PRKD1: variants seen among roughly 807,000 people sequenced by gnomAD.
PRKD1 encodes the protein protein kinase D1, also known as serine/threonine-protein kinase D1.
PRKD1 carries 63 observed loss-of-function variants against 95.9 expected under a neutral mutation model. The observed-to-expected ratio is 0.66, with a 90% CI of 0.54 to 0.81. PRKD1 has a LOEUF of 0.81. Among genes scored for constraint, PRKD1 ranks in the 30% least tolerant of loss-of-function variants. The probability of loss-of-function intolerance (pLI) is 0.00; values close to 1 mark genes in which losing one functional copy is unlikely to be tolerated. For missense variants in PRKD1, 1,048 were observed against 1,165.3 expected (o/e 0.90, Z 1.47); for synonymous variants, 425 against 423.1 (o/e 1.00, Z -0.05).
At chr14:29,661,578 T>C (rs1882193900) in intron 4 of PRKD1, among the ~76,000 whole-genome samples, 1 of 152,114 alleles carries the variant, frequency 6.6e-6, no homozygotes, top group Non-Finnish European at 1.5e-5. Flanking sequence ...CTCCTCAAGG[T>C]GGGCCAATGT....
chr14:29,700,893 A>G (rs1884792258), intron 2 of PRKD1, among the ~76,000 whole-genome samples: 2 of 152,056 alleles, frequency 1.3e-5, no homozygotes, highest in Admixed American at 6.6e-5. Flanking sequence ...GTCAGCCTCC[A>G]CAATCACATG....
chr14:29,628,071 AC>A (rs1161456833), intron 11 of PRKD1, among the ~76,000 whole-genome samples: 1 of 152,196 alleles, frequency 6.6e-6, no homozygotes, highest in Non-Finnish European at 1.5e-5. Flanking sequence ...CTCTGGCTAA[AC>A]AAAGGCAATA....
At chr14:29,600,882 T>C (rs918353364) in intron 13 of PRKD1, among the ~76,000 whole-genome samples, 13 of 152,064 alleles carry the variant, frequency 8.5e-5, no homozygotes, top group Non-Finnish European at 1.6e-4. Flanking sequence ...TCATTTGACC[T>C]TTACCTTTTT....
intron 16 of PRKD1, among the ~76,000 whole-genome samples, chr14:29,583,054 T>A (rs1309648801): frequency 6.6e-6 from 1 of 152,140 alleles, no homozygotes; most frequent in Non-Finnish European, 1.5e-5. Flanking sequence ...TGTAGAGGAA[T>A]GCCGAAACTC....
chr14:29,743,915 C>A (rs773717722), intron 1 of PRKD1, among the ~76,000 whole-genome samples: 7 of 152,192 alleles, frequency 4.6e-5, no homozygotes, highest in Non-Finnish European at 8.8e-5. Flanking sequence ...GTCTTTCCTC[C>A]CACTTGACTG....
At chr14:29,713,965 G>A (rs1885466164) in intron 2 of PRKD1, among the ~76,000 whole-genome samples, 2 of 152,108 alleles carry the variant, frequency 1.3e-5, no homozygotes, top group Admixed American at 1.3e-4. Flanking sequence ...AATCAGTAGG[G>A]TATTCTATGT....
intron 1 of PRKD1, among the ~76,000 whole-genome samples, chr14:29,897,437 A>G (rs550629795): frequency 6.6e-6 from 1 of 152,284 alleles, no homozygotes; most frequent in East Asian, 1.9e-4. Context: ...ACAATCCTAG[A>G]CACTGCACTG....
chr14:29,889,542 TG>T (rs1343042824), intron 1 of PRKD1, among the ~76,000 whole-genome samples: 1 of 152,142 alleles, frequency 6.6e-6, no homozygotes, highest in East Asian at 1.9e-4. Flanking sequence ...ATATACACCA[TG>T]GAATACTAAG....
intron 2 of PRKD1, among the ~76,000 whole-genome samples, chr14:29,704,576 C>A (rs1016460637): frequency 7.9e-5 from 12 of 152,144 alleles, no homozygotes; most frequent in African/African-American, 2.9e-4. Context: ...GCCCTTACCA[C>A]TGCACAATAA....
chr14:29,822,133 C>T (rs1264642019), intron 1 of PRKD1, among the ~76,000 whole-genome samples: 7 of 152,106 alleles, frequency 4.6e-5, no homozygotes, highest in Non-Finnish European at 1.0e-4. Flanking sequence ...TTTTTGGCCT[C>T]CCAGGTCACT....
chr14:29,695,961 A>G (rs1343506914), intron 2 of PRKD1, among the ~76,000 whole-genome samples: 1 of 152,198 alleles, frequency 6.6e-6, no homozygotes, highest in Non-Finnish European at 1.5e-5. Flanking sequence ...AGAGGTTGAG[A>G]GCATTTAGGC....
At chr14:29,663,148 C>CATATAT (rs61506580) in intron 4 of PRKD1, among the ~76,000 whole-genome samples, 10,667 of 131,476 alleles carry the variant, frequency 0.081, 479 homozygotes, top group Middle Eastern at 0.12. Flanking sequence ...AATATTCTTC[C>CATATAT]ATATATATAT....
intron 1 of PRKD1, among the ~76,000 whole-genome samples, chr14:29,853,791 A>G (rs2139343755): frequency 6.6e-6 from 1 of 152,306 alleles, no homozygotes; most frequent in South Asian, 2.1e-4. Context: ...AGATGGTTGA[A>G]TCATGGGCGC....
Position 29,590,703 on chromosome 14 carries a change from T to G in PRKD1, c.2434+6788A>C, listed in dbSNP as rs142593658. On this transcript the variant is annotated intron_variant, in intron 16 of 17. Transcript: ENST00000331968. ...TCTAGGTTATAACCCATATTTCCTA[T>G]AGCCTGTAACCCCATATCTTCAAAC... Among the ~76,000 whole-genome samples the G allele has an allele frequency of 1.8e-3, 276 of 152,324 alleles. 2 individuals carry two copies. The highest frequency in any genetic ancestry group is 3.4e-3 in the Middle Eastern group (1 of 294).
intron 2 of PRKD1, among the ~76,000 whole-genome samples, chr14:29,689,264 A>T (rs1884087061): frequency 4.0e-5 from 6 of 149,526 alleles, no homozygotes; most frequent in Admixed American, 2.6e-4. Flanking sequence ...AAACAAATTT[A>T]CAAGAAAAAA....
At chr14:29,614,707 T>C (rs929716678) in intron 13 of PRKD1, among the ~76,000 whole-genome samples, 23 of 150,806 alleles carry the variant, frequency 1.5e-4, no homozygotes, top group Admixed American at 4.6e-4. Flanking sequence ...ACACATATAT[T>C]TTTTTTTTTG....
chr14:29,893,908 C>T (rs1894026799), intron 1 of PRKD1, among the ~76,000 whole-genome samples: 1 of 152,150 alleles, frequency 6.6e-6, no homozygotes, highest in Non-Finnish European at 1.5e-5. Context: ...TCTGTATGTA[C>T]CAACCACTGC....
chr14:29,703,695 C>T (rs1884947962), intron 2 of PRKD1, among the ~76,000 whole-genome samples: 1 of 151,986 alleles, frequency 6.6e-6, no homozygotes, highest in African/African-American at 2.4e-5. Flanking sequence ...AGTCTATGTA[C>T]ACAAATAAAT....
chr14:29,854,571 C>G (rs113948094), intron 1 of PRKD1, among the ~76,000 whole-genome samples: 1 of 152,112 alleles, frequency 6.6e-6, no homozygotes, highest in African/African-American at 2.4e-5. Flanking sequence ...GAAAATCTGC[C>G]GCCTGACAAT....
Sources: allele counts gnomAD v4.1 joint callset (sites outside exome capture counted in the v4.1 genomes callset), GRCh38; gene constraint gnomAD v4.1.1; transcripts MANE v1.5; gene names NCBI Gene and HGNC (gene_info 2026-07-23, HGNC 2026-07-21).